ASIC2: variants seen among roughly 807,000 people sequenced by gnomAD.
ASIC2 encodes the protein acid sensing ion channel subunit 2.
A neutral mutation model predicts 57.3 loss-of-function variants in ASIC2; 25 were observed. The ratio of observed to expected loss-of-function variants is 0.44; its 90% CI spans 0.32 to 0.61. The LOEUF is 0.61. ASIC2 is among the 20% of genes least tolerant of loss of function. The probability of loss-of-function intolerance (pLI) is 0.06; values close to 1 mark genes in which losing one functional copy is unlikely to be tolerated. For synonymous variants in ASIC2, 319 were observed against 307.5 expected, an observed-to-expected ratio of 1.04 and a Z score of -0.39; for missense variants, 641 against 738.1, an observed-to-expected ratio of 0.87 and a Z score of 1.52.
intron 1 of ASIC2, among the ~76,000 whole-genome samples, chr17:33,414,222 G>A (rs945760689): frequency 2.0e-5 from 3 of 152,200 alleles, no homozygotes; most frequent in Non-Finnish European, 2.9e-5. Flanking sequence ...TAGTCAGGAG[G>A]CTGCACCCAA....
intron 1 of ASIC2, among the ~76,000 whole-genome samples, chr17:33,474,948 A>T (rs1046044925): frequency 3.3e-5 from 5 of 152,160 alleles, no homozygotes; most frequent in African/African-American, 9.7e-5. Flanking sequence ...TCTCCAATTC[A>T]AAGGGCTGGA....
Position 33,871,832 on chromosome 17 carries a change from G to A in ASIC2, c.555+284146C>T, listed in dbSNP as rs148607004. Among the ~76,000 whole-genome samples, 128 of 152,258 alleles carry A rather than the reference G, an allele frequency of 8.4e-4. 1 individual carries two copies. Among genetic ancestry groups the A allele is most frequent in the African/African-American group, 3.0e-3 (123 of 41,550 alleles). On this transcript the variant is annotated intron_variant, in intron 1 of 9. Coordinates refer to the ASIC2 transcript ENST00000359872. ...TGGCGGCAGACAGGCAGCACTGGGCGCTGAGTCATGGCAAAGGGGGTAATT... is the reference window on the plus strand; with the variant it reads ...TGGCGGCAGACAGGCAGCACTGGGCACTGAGTCATGGCAAAGGGGGTAATT...
chr17:33,595,111 A>G (rs752612652), intron 1 of ASIC2, among the ~76,000 whole-genome samples: 50 of 152,230 alleles, frequency 3.3e-4, no homozygotes, highest in Middle Eastern at 3.4e-3. Flanking sequence ...CTGTGGTTCC[A>G]CCTACATGGG....
chr17:33,805,288 T>C (rs4794973), intron 1 of ASIC2, among the ~76,000 whole-genome samples: 149,282 of 152,298 alleles, frequency 0.98, 73,178 homozygotes, highest in East Asian at 1. Context: ...TTCTGCCATG[T>C]CTGTTGATTG....
chr17:33,662,849 A>T (rs1439005174), intron 1 of ASIC2, among the ~76,000 whole-genome samples: 4 of 151,938 alleles, frequency 2.6e-5, no homozygotes. Context: ...CATTTAAGTA[A>T]CTTTCTTAAG....
At chr17:33,478,552 G>A (rs1486926909) in intron 1 of ASIC2, among the ~76,000 whole-genome samples, 1 of 152,234 alleles carries the variant, frequency 6.6e-6, no homozygotes, top group Non-Finnish European at 1.5e-5. Flanking sequence ...CACAGTTTCT[G>A]TCAATCCTTC....
intron 1 of ASIC2, among the ~76,000 whole-genome samples, chr17:33,945,215 G>A (rs1436481721): frequency 1.3e-5 from 2 of 152,062 alleles, no homozygotes; most frequent in African/African-American, 4.8e-5. Context: ...TAGAAAGGGA[G>A]TTACAATGTC....
chr17:33,505,576 C>A (rs985499812), intron 1 of ASIC2, among the ~76,000 whole-genome samples: 12 of 152,212 alleles, frequency 7.9e-5, no homozygotes, highest in African/African-American at 2.7e-4. Context: ...TCCCCATCAT[C>A]GGTAGCATGA....
At chr17:34,098,058 G>T (rs576924653) in intron 1 of ASIC2, among the ~76,000 whole-genome samples, 1 of 152,312 alleles carries the variant, frequency 6.6e-6, no homozygotes, top group South Asian at 2.1e-4. Context: ...CCCAAGAGAA[G>T]CAAGTGTTTA....
intron 1 of ASIC2, chr17:34,069,421 C>T (rs372333328): frequency 1.4e-5 from 2 of 141,396 alleles, no homozygotes; most frequent in South Asian, 2.2e-4. Context: ...TTCTTCCTCT[C>T]TTTTCTTCAT....
At chr17:33,514,418 C>G (rs1335754981) in intron 1 of ASIC2, among the ~76,000 whole-genome samples, 1 of 152,102 alleles carries the variant, frequency 6.6e-6, no homozygotes, top group Non-Finnish European at 1.5e-5. Context: ...CGGTCCTTGC[C>G]TTCCTAACTG....
rs1298676110 is a variant in ASIC2, at chr17:33,291,574, C to T, written c.542G>A (p.Arg181His). ...VSELLRGDEP[R>H]RQWFRKLADF... ...CGCCAGCTTGCGGAACCACTGGCGGCGCGGCTCGTCGCCCCGCAGCAGCTC... is the reference window on the plus strand; with the variant it reads ...CGCCAGCTTGCGGAACCACTGGCGGTGCGGCTCGTCGCCCCGCAGCAGCTC... Residue 181 changes from arginine (R) to histidine (H), a missense_variant, in exon 1 of 10, where the codon CGC becomes CAC. This residue lies in a region of ASIC2 where 382 missense variants were observed against 398.0 expected (regional missense o/e 0.96). Coordinates refer to ENST00000225823, the MANE Select transcript of ASIC2 (RefSeq NM_183377.2). The T allele has an allele frequency of 1.9e-6, 3 of 1,609,778 alleles. No homozygotes were observed. The highest frequency in any genetic ancestry group is 1.7e-6 in the Non-Finnish European group (2 of 1,178,942).
chr17:33,734,382 T>C (rs1484912182), intron 1 of ASIC2, among the ~76,000 whole-genome samples: 1 of 152,174 alleles, frequency 6.6e-6, no homozygotes, highest in African/African-American at 2.4e-5. Flanking sequence ...TCTTCCACTT[T>C]TCTTACCAGC....
At chr17:33,258,685 T>C (rs963877960) in intron 1 of ASIC2, among the ~76,000 whole-genome samples, 24 of 152,116 alleles carry the variant, frequency 1.6e-4, no homozygotes, top group Admixed American at 2.0e-4. Flanking sequence ...AGCCCAGACG[T>C]GGGTCAGGGA....
intron 1 of ASIC2, among the ~76,000 whole-genome samples, chr17:34,032,096 T>G (rs912024339): frequency 2.0e-5 from 3 of 152,044 alleles, no homozygotes; most frequent in African/African-American, 7.3e-5. Flanking sequence ...GAAAAAATGA[T>G]CAGGGTAGCC....
intron 1 of ASIC2, among the ~76,000 whole-genome samples, chr17:33,170,876 G>A (rs1447193041): frequency 2.0e-5 from 3 of 152,168 alleles, no homozygotes; most frequent in Non-Finnish European, 2.9e-5. Flanking sequence ...ACATACTTCA[G>A]TTTGCACAGC....
intron 1 of ASIC2, among the ~76,000 whole-genome samples, chr17:33,149,620 C>T (rs1904704394): frequency 6.6e-6 from 1 of 152,018 alleles, no homozygotes; most frequent in Non-Finnish European, 1.5e-5. Flanking sequence ...AAGTTCATAC[C>T]AATTTATATT....
chr17:33,534,411 A>C (rs1454152316), intron 1 of ASIC2: 3 of 152,184 alleles, frequency 2.0e-5, no homozygotes, highest in African/African-American at 4.8e-5. Flanking sequence ...AGGCAGGAGC[A>C]GTATGTGCTG....
At chr17:33,395,365 G>C (rs557655549) in intron 1 of ASIC2, among the ~76,000 whole-genome samples, 2 of 152,282 alleles carry the variant, frequency 1.3e-5, no homozygotes, top group Admixed American at 1.3e-4. Flanking sequence ...ATGGTGGAAG[G>C]CAAGGAGGAG....
Sources: gnomAD v4.1 joint callset for allele counts (sites outside exome capture counted in the v4.1 genomes callset) on GRCh38, gnomAD v4.1.1 for gene constraint, gnomAD v4.1.1 regional missense constraint, MANE v1.5 for transcripts, NCBI Gene and HGNC (gene_info 2026-07-23, HGNC 2026-07-21) for gene names.